Variants in COBLL1 observed in about 807,000 individuals in gnomAD.
COBLL1 encodes the protein cordon-bleu WH2 repeat protein like 1, also known as cordon-bleu protein-like 1.
In COBLL1, 50 loss-of-function variants were observed where a neutral mutation model predicts 94.8. The observed-to-expected ratio is 0.53, with a 90% confidence interval of 0.42 to 0.67. The LOEUF (loss-of-function observed/expected upper bound fraction) is 0.67. Among genes scored for constraint, COBLL1 ranks in the 30% least tolerant of loss-of-function variants. The probability of loss-of-function intolerance (pLI) is 0.00; values close to 1 mark genes in which losing one functional copy is unlikely to be tolerated. For synonymous variants in COBLL1, 448 were observed against 473.8 expected, an observed-to-expected ratio of 0.95 and a Z score of 0.71; for missense variants, 1,362 against 1,348.7, an observed-to-expected ratio of 1.01 and a Z score of -0.15.
intron 11 of COBLL1, chr2:164,697,537 C>T (rs1684020985): frequency 6.6e-6 from 1 of 152,046 alleles, no homozygotes; most frequent in African/African-American, 2.4e-5. Flanking sequence ...AAATGTATTT[C>T]CTTCTTTCTT....
At position 164,680,560 on chromosome 2, in the gene COBLL1, G is replaced by A. The variant is rs1037808444; in HGVS notation, c.*5386C>T. On this transcript the variant is annotated 3_prime_UTR_variant, in exon 14 of 14. Transcript: ENST00000652658. ...TTGGTTTCTTGACTTAGGGAGTCCT[G>A]GGCCTGCTCACTTCTATTACTCATA... 18 of 152,032 alleles carry A rather than the reference G, an allele frequency of 1.2e-4. No homozygotes were observed. The highest frequency in any genetic ancestry group is 2.5e-4 in the Non-Finnish European group (17 of 68,012). 9.4% of individuals were successfully genotyped at this position (152,032 alleles called of 1,614,324 possible).
intron 9 of COBLL1, among the ~76,000 whole-genome samples, chr2:164,701,848 G>A (rs951776987): frequency 1.7e-5 from 2 of 114,920 alleles, no homozygotes; most frequent in African/African-American, 6.7e-5. Context: ...ATACACCACA[G>A]TATCTGAATG....
chr2:164,675,365 C>T (rs74569890), downstream of COBLL1, among the ~76,000 whole-genome samples: 438 of 152,288 alleles, frequency 2.9e-3, 1 homozygote, highest in African/African-American at 9.8e-3. Context: ...AAAATATTAA[C>T]CAGATATCTC....
intron 6 of COBLL1, 40 bp downstream of exon 6, chr2:164,722,385 T>C (rs1446373212): frequency 4.7e-6 from 7 of 1,500,986 alleles, no homozygotes; most frequent in Non-Finnish European, 6.3e-6. Flanking sequence ...TTAAAAATAA[T>C]TGAAGAATCT....
At chr2:164,741,303 G>A (rs886124304) in intron 3 of COBLL1, among the ~76,000 whole-genome samples, 2 of 144,728 alleles carry the variant, frequency 1.4e-5, no homozygotes, top group Non-Finnish European at 3.2e-5. Flanking sequence ...GATACACAAA[G>A]GAAGGAGAGT....
At chr2:164,835,843 C>T (rs1683294956) in intron 2 of COBLL1, among the ~76,000 whole-genome samples, 1 of 152,132 alleles carries the variant, frequency 6.6e-6, no homozygotes, top group Non-Finnish European at 1.5e-5. Flanking sequence ...TTTATTCCTA[C>T]AGATACATAT....
At chr2:164,753,834 T>C (rs1227512072) in intron 2 of COBLL1, among the ~76,000 whole-genome samples, 1 of 151,512 alleles carries the variant, frequency 6.6e-6, no homozygotes, top group South Asian at 2.1e-4. Flanking sequence ...CTCAGCCTCT[T>C]GGGTTCAAGC....
chr2:164,677,882 CCCA>C (rs1462795918), downstream of COBLL1, among the ~76,000 whole-genome samples: 4 of 152,128 alleles, frequency 2.6e-5, no homozygotes, highest in Non-Finnish European at 5.9e-5. Context: ...AATTGATACT[CCCA>C]CCAACAGTGG....
At chr2:164,825,500 T>C (rs952136456) in intron 2 of COBLL1, among the ~76,000 whole-genome samples, 7 of 152,196 alleles carry the variant, frequency 4.6e-5, no homozygotes, top group African/African-American at 1.7e-4. Flanking sequence ...TTGAAAATAT[T>C]GCTGTACAGT....
At chr2:164,771,209 T>C (rs1688184689) in intron 2 of COBLL1, among the ~76,000 whole-genome samples, 1 of 152,090 alleles carries the variant, frequency 6.6e-6, no homozygotes, top group Non-Finnish European at 1.5e-5. Context: ...ATGTGCACTT[T>C]AAGAAACCAC....
chr2:164,698,067 C>G (rs1684045979), intron 11 of COBLL1: 1 of 151,972 alleles, frequency 6.6e-6, no homozygotes, highest in South Asian at 2.1e-4. Flanking sequence ...GCAAAACAAA[C>G]CATATGCAAA....
chr2:164,805,336 T>TATTTATATATATATATATAAATATATATA lies in COBLL1; in HGVS notation c.41+35819_41+35820insTATATATATTTATATATATATATATAAAT, dbSNP rs1559033598. ...CTCTCTCTCTCTCTCTCTCTCTCTC[T>TATTTATATATATATATATAAATATATATA]CTATATATATATATATATATATATA... On this transcript the variant is annotated intron_variant, in intron 2 of 13. Transcript: ENST00000652658. Among the ~76,000 whole-genome samples, 10 of 60,354 alleles carry TATTTATATATATATATATAAATATATATA rather than the reference T, an allele frequency of 1.7e-4. 2 individuals carry two copies. Among genetic ancestry groups the TATTTATATATATATATATAAATATATATA allele is most frequent in the African/African-American group, 5.8e-4 (9 of 15,572 alleles). 39.6% of individuals were successfully genotyped at this position (60,354 alleles called of 152,430 possible). A position where few individuals can be genotyped will look rare whatever the true frequency, so the allele number is the denominator to read the frequency against.
rs536572071 is a variant in COBLL1, at chr2:164,682,879, G to C, written c.*3067C>G. The stretch of plus-strand genomic sequence containing the variant: ...GTACCGCAGCAAGAAACAATAGAAT[G>C]GCTAACAGAAATACGATCGATCTGT... On this transcript the variant is annotated 3_prime_UTR_variant, in exon 14 of 14. Transcript: ENST00000652658. The C allele has an allele frequency of 3.9e-5, 6 of 152,052 alleles. No individual in the cohort carries two copies. The highest frequency in any genetic ancestry group is 1.4e-4 in the African/African-American group (6 of 41,456). The allele number at this position is 152,052 out of a possible 1,614,324, so 9.4% of individuals were successfully genotyped here.
chr2:164,825,815 T>C (rs1461901522), intron 2 of COBLL1, among the ~76,000 whole-genome samples: 1 of 152,200 alleles, frequency 6.6e-6, no homozygotes, highest in Admixed American at 6.6e-5. Context: ...TCCTGAGAGA[T>C]GGAGGAGTCA....
intron 7 of COBLL1, among the ~76,000 whole-genome samples, chr2:164,714,460 T>G (rs1377481755): frequency 6.6e-6 from 1 of 151,716 alleles, no homozygotes; most frequent in African/African-American, 2.4e-5. Context: ...TAACCATGAT[T>G]CCCTGTGATC....
intron 12 of COBLL1, among the ~76,000 whole-genome samples, chr2:164,693,768 G>A (rs1019537137): frequency 2.0e-5 from 3 of 152,086 alleles, no homozygotes; most frequent in African/African-American, 7.2e-5. Flanking sequence ...ATGTGAAAAT[G>A]TACAATATAT....
intron 2 of COBLL1, among the ~76,000 whole-genome samples, chr2:164,769,094 A>G (rs1688076051): frequency 6.6e-6 from 1 of 152,198 alleles, no homozygotes; most frequent in Non-Finnish European, 1.5e-5. Flanking sequence ...TCAATAAAAC[A>G]TGGTTGAATG....
chr2:164,817,669 T>C (rs534111232), intron 2 of COBLL1, among the ~76,000 whole-genome samples: 1 of 148,830 alleles, frequency 6.7e-6, no homozygotes, highest in East Asian at 2.0e-4. Context: ...AATCACTGAA[T>C]GAGTTCCTAC....
intron 13 of COBLL1, chr2:164,687,609 T>C (rs1683368618): frequency 3.6e-6 from 4 of 1,110,282 alleles, no homozygotes; most frequent in Middle Eastern, 2.2e-4. Context: ...ATTGGGGTAA[T>C]GCAAGGTCAG....
Sources: allele counts gnomAD v4.1 joint callset (sites outside exome capture counted in the v4.1 genomes callset), GRCh38; gene constraint gnomAD v4.1.1; transcripts MANE v1.5; gene names NCBI Gene and HGNC (gene_info 2026-07-23, HGNC 2026-07-21).